ANKHD1: variants seen among roughly 807,000 people sequenced by gnomAD.
ANKHD1 encodes ankyrin repeat and KH domain containing 1, also known as ankyrin repeat and KH domain-containing protein 1.
Under a neutral mutation model 230.5 loss-of-function variants are expected in ANKHD1, and 31 were observed. That is an observed-to-expected ratio of 0.13 (90% CI 0.10 to 0.18). The LOEUF is 0.18. Among genes scored for constraint, ANKHD1 ranks in the 10% least tolerant of loss-of-function variants. The pLI is 1.00. For synonymous variants in ANKHD1, 1,074 were observed against 1,117.6 expected (o/e 0.96, Z 0.78); for missense variants, 2,256 against 3,071.3 (o/e 0.73, Z 6.27).
intron 14 of ANKHD1, 64 bp from the exon 15 acceptor site, chr5:140,496,456 C>CTTTTTT: frequency 4.6e-6 from 4 of 875,148 alleles, no homozygotes; most frequent in East Asian, 5.0e-5. Context: ...TTTTTTTTTT[C>CTTTTTT]TTTTCTTTTT....
intron 1 of ANKHD1, among the ~76,000 whole-genome samples, chr5:140,411,394 A>G (rs980822530): frequency 6.6e-6 from 1 of 152,124 alleles, no homozygotes; most frequent in Non-Finnish European, 1.5e-5. Context: ...AGATTCTCCT[A>G]ACTTTCTTTT....
rs1280408091 is a variant in ANKHD1 at position 140,507,049 on chromosome 5, GT to G, written c.3551+75del. On this transcript the variant is annotated intron_variant, in intron 19 of 33. Transcript: ENST00000360839. The surrounding 1 kb of genome is among the most constrained non-coding windows in gnomAD (Gnocchi z 4.1). Reference sequence around the variant, plus strand: ...TGGACTTAAATGTCTACCTCTTAACGTTTAGACAGATACATTTTAAATTAAG... The same window carrying G: ...TGGACTTAAATGTCTACCTCTTAACGTTAGACAGATACATTTTAAATTAAG... The G allele has an allele frequency of 3.2e-6, 5 of 1,558,928 alleles. No homozygotes were observed. Among genetic ancestry groups the G allele is most frequent in the Non-Finnish European group, 4.3e-6 (5 of 1,157,710 alleles).
At chr5:140,523,359 C>T (rs1437560702) in intron 24 of ANKHD1, among the ~76,000 whole-genome samples, 2 of 151,996 alleles carry the variant, frequency 1.3e-5, no homozygotes, top group Non-Finnish European at 2.9e-5. Context: ...CTTTCCTCCT[C>T]AGTCTCCCAA....
At chr5:140,454,199 AG>A (rs758613402) in intron 7 of ANKHD1, among the ~76,000 whole-genome samples, 8 of 152,204 alleles carry the variant, frequency 5.3e-5, no homozygotes, top group Non-Finnish European at 1.2e-4. Flanking sequence ...AGGAGCACCC[AG>A]ATTCATAAAG....
At chr5:140,421,150 C>T (rs544513617) in intron 1 of ANKHD1, among the ~76,000 whole-genome samples, 6 of 152,046 alleles carry the variant, frequency 3.9e-5, no homozygotes, top group South Asian at 4.1e-4. Context: ...GAGGTAAGAC[C>T]GAAGAGGAAG....
rs902400967 is a variant in ANKHD1 at position 140,526,977 on chromosome 5, G to C, written c.4990G>C (p.Val1664Leu). The change falls in exon 27 of 34, where the codon GTG becomes CTG. Residue 1664 changes from valine to leucine, a missense_variant. Physicochemically the swap from Val to Leu is conservative, Grantham distance 32 (BLOSUM62 1). Coordinates refer to ENST00000360839, the MANE Select transcript of ANKHD1 (RefSeq NM_017747.3). ...TTCCTTGTCAACCAGCTACAAGACA[G>C]TGTCATTGCCATTAAGCTCTCCAAA... ...PNSLSTSYKT[V>L]SLPLSSPNIK... 128 of 1,613,654 alleles carry C rather than the reference G, an allele frequency of 7.9e-5. No homozygotes were observed. The highest frequency in any genetic ancestry group is 1.1e-4 in the Non-Finnish European group (125 of 1,179,848).
chr5:140,419,786 CTTTCTTTCTTTCTTTCTT>C (rs1229103343), intron 1 of ANKHD1, among the ~76,000 whole-genome samples: 1 of 64,900 alleles, frequency 1.5e-5, no homozygotes, highest in Admixed American at 1.8e-4. Context: ...TTCTTTCTTT[CTTTCTTTCTTTCTTTCTT>C]TCTTTCTTTC....
chr5:140,516,423 C>A (rs913050293), intron 24 of ANKHD1, among the ~76,000 whole-genome samples: 3 of 152,018 alleles, frequency 2.0e-5, no homozygotes, highest in Non-Finnish European at 4.4e-5. Context: ...GCCAACATTC[C>A]GATTCAGGAA....
intron 24 of ANKHD1, among the ~76,000 whole-genome samples, chr5:140,514,858 G>A (rs894068440): frequency 6.6e-6 from 1 of 152,082 alleles, no homozygotes; most frequent in Admixed American, 6.5e-5. Flanking sequence ...TGTAGTCCCA[G>A]CTACTCAGGA....
intron 22 of ANKHD1, among the ~76,000 whole-genome samples, chr5:140,511,808 C>T (rs2127061810): frequency 6.6e-6 from 1 of 152,328 alleles, no homozygotes. Flanking sequence ...AGAAGGTTCC[C>T]TCTTGCCCAC....
chr5:140,538,798 G>A, intron 32 of ANKHD1, 121 bp from the exon 33 acceptor site: 1 of 1,175,882 alleles, frequency 8.5e-7, no homozygotes, highest in Non-Finnish European at 1.1e-6. Flanking sequence ...GTACTTATAG[G>A]ATCTTTTGGA....
chr5:140,479,668 G>T (rs1172248711), intron 10 of ANKHD1, among the ~76,000 whole-genome samples: 2 of 149,392 alleles, frequency 1.3e-5, no homozygotes, highest in African/African-American at 4.9e-5. Context: ...TGTTATACAT[G>T]TATATTCCCA....
At chr5:140,413,049 A>T (rs1368926110) in intron 1 of ANKHD1, among the ~76,000 whole-genome samples, 1 of 152,192 alleles carries the variant, frequency 6.6e-6, no homozygotes, top group East Asian at 1.9e-4. Flanking sequence ...TGATTGATTC[A>T]TCTGTATTAG....
Position 140,486,941 on chromosome 5 carries a change from C to T in ANKHD1, c.2143-17C>T, listed in dbSNP as rs1186122450. 1.9e-6 allele frequency: 3 copies of T among 1,601,288 alleles called. No individual in the cohort carries two copies. Among genetic ancestry groups the T allele is most frequent in the Middle Eastern group, 1.7e-4 (1 of 5,990 alleles). ...TTCTTTGGTCTGAGATGATTTTTTT[C>T]TGAGTTGACTTTTTAGGTGCCACGT... On this transcript the variant is annotated splice_polypyrimidine_tract_variant and intron_variant, in intron 13 of 33. Transcript: ENST00000360839.
At chr5:140,445,435 C>T (rs377692021) in intron 5 of ANKHD1, among the ~76,000 whole-genome samples, 2 of 151,908 alleles carry the variant, frequency 1.3e-5, no homozygotes, top group African/African-American at 2.4e-5. Flanking sequence ...AGCTGGGAAG[C>T]GGAGGTGGTA....
At chr5:140,513,936 A>C (rs1752872194) in intron 24 of ANKHD1, among the ~76,000 whole-genome samples, 1 of 151,526 alleles carries the variant, frequency 6.6e-6, no homozygotes. Flanking sequence ...GGATGGCCTG[A>C]GCCCAGGAGG....
chr5:140,508,344 T>C (rs1263389963), intron 20 of ANKHD1, among the ~76,000 whole-genome samples: 1 of 152,228 alleles, frequency 6.6e-6, no homozygotes, highest in African/African-American at 2.4e-5. Context: ...GTGCTTATCA[T>C]TGTAAAAATC....
At position 140,438,629 on chromosome 5, in the gene ANKHD1, A is replaced by G; in HGVS notation, c.617+12A>G. The G allele has an allele frequency of 1.3e-6, 2 of 1,562,240 alleles. No individual in the cohort carries two copies. Among genetic ancestry groups the G allele is most frequent in the Non-Finnish European group, 8.7e-7 (1 of 1,151,976 alleles). ...GGACAAGTGGACACGTATGTGTTTAATGACTTTTGGATATTAGACATTTTC... is the reference window on the plus strand; with the variant it reads ...GGACAAGTGGACACGTATGTGTTTAGTGACTTTTGGATATTAGACATTTTC... On this transcript the variant is annotated intron_variant, in intron 3 of 33. Coordinates refer to ENST00000360839, the MANE Select transcript of ANKHD1 (RefSeq NM_017747.3).
intron 7 of ANKHD1, among the ~76,000 whole-genome samples, chr5:140,455,035 A>G (rs1357716131): frequency 6.6e-6 from 1 of 152,214 alleles, no homozygotes; most frequent in African/African-American, 2.4e-5. Flanking sequence ...AGGGGATATC[A>G]CCACCGATCC....
Sources: allele counts gnomAD v4.1 joint callset (sites outside exome capture counted in the v4.1 genomes callset), GRCh38; gene constraint gnomAD v4.1.1; non-coding constraint Gnocchi (gnomAD v3.1); transcripts MANE v1.5; gene names NCBI Gene and HGNC (gene_info 2026-07-23, HGNC 2026-07-21).